FAM83A: variants seen among roughly 807,000 people sequenced by gnomAD.
FAM83A encodes the protein protein FAM83A.
A neutral mutation model predicts 24.4 loss-of-function variants in FAM83A; 21 were observed. The ratio of observed to expected loss-of-function variants is 0.86; its 90% CI spans 0.61 to 1.24. The LOEUF is 1.24. FAM83A is among the 50% of genes most tolerant of loss of function. The pLI is 0.00. For missense variants in FAM83A, 617 were observed against 579.8 expected (o/e 1.06, Z -0.66); for synonymous variants, 270 against 252.4 (o/e 1.07, Z -0.66).
At chr8:123,205,459 G>T (rs1193264383) in intron 3 of FAM83A, among the ~76,000 whole-genome samples, 1 of 152,198 alleles carries the variant, frequency 6.6e-6, no homozygotes, top group Non-Finnish European at 1.5e-5. Context: ...GGTGGTTCCC[G>T]GCGGGAGGTG....
chr8:123,199,131 T>A (rs1275537365), intron 3 of FAM83A, among the ~76,000 whole-genome samples: 1 of 152,146 alleles, frequency 6.6e-6, no homozygotes, highest in Non-Finnish European at 1.5e-5. Flanking sequence ...CGCACTCCAT[T>A]TGTATTAGAA....
intron 3 of FAM83A, among the ~76,000 whole-genome samples, chr8:123,194,969 T>C (rs1428687423): frequency 6.6e-6 from 1 of 152,116 alleles, no homozygotes; most frequent in African/African-American, 2.4e-5. Flanking sequence ...CTTGCCTGAG[T>C]CTGCCTTTGA....
At chr8:123,187,050 G>A (rs945157593) in intron 1 of FAM83A, among the ~76,000 whole-genome samples, 2 of 152,154 alleles carry the variant, frequency 1.3e-5, no homozygotes, top group African/African-American at 4.8e-5. Context: ...CGGAAGAGGT[G>A]GTCTCGGAGT....
chr8:123,179,377 G>T (rs1172523076), upstream of FAM83A: 1 of 152,180 alleles, frequency 6.6e-6, no homozygotes, highest in Non-Finnish European at 1.5e-5. Flanking sequence ...AGTATGGGAT[G>T]CACAGTGCAG....
At chr8:123,187,823 G>T (rs982968465) in intron 1 of FAM83A, among the ~76,000 whole-genome samples, 1 of 151,968 alleles carries the variant, frequency 6.6e-6, no homozygotes, top group Non-Finnish European at 1.5e-5. Context: ...GAAACTAGGG[G>T]CTGGAATTAT....
chr8:123,182,090 G>A (rs1414555881), upstream of FAM83A: 10 of 456,192 alleles, frequency 2.2e-5, 1 homozygote, highest in African/African-American at 4.0e-5. Context: ...TCTCCAGACA[G>A]TGTTCCAAGA....
At chr8:123,183,820 T>A (rs1823705579) in intron 1 of FAM83A, among the ~76,000 whole-genome samples, 1 of 151,906 alleles carries the variant, frequency 6.6e-6, no homozygotes, top group Non-Finnish European at 1.5e-5. Context: ...TTCAGCCTCT[T>A]GAGTAGCTGG....
At chr8:123,203,772 C>T (rs1824446495) in intron 3 of FAM83A, among the ~76,000 whole-genome samples, 1 of 151,294 alleles carries the variant, frequency 6.6e-6, no homozygotes, top group African/African-American at 2.4e-5. Flanking sequence ...CATAAGCAGG[C>T]GTTTCACCAA....
Position 123,183,217 on chromosome 8 carries a change from TG to T in FAM83A, c.364del (p.Ala122ProfsTer8), listed in dbSNP as rs1211372912. ...CAGCGAGCCGGCCCTACTGCACAGC[TG>T]GGCCTCAGCTGAGAAGCCCTACCTG... On this transcript the variant is annotated frameshift_variant, in exon 1 of 4. Coordinates refer to ENST00000690554, the Ensembl canonical transcript of FAM83A. LOFTEE classifies it high-confidence loss of function. The T allele has an allele frequency of 6.2e-7, 1 of 1,613,496 alleles. No individual in the cohort carries two copies. The highest frequency in any genetic ancestry group is 2.2e-5 in the East Asian group (1 of 44,882).
chr8:123,208,215 A>T (rs1407266442), exon 4 of FAM83A: 6 of 986,258 alleles, frequency 6.1e-6, no homozygotes, highest in Middle Eastern at 5.2e-4. Context: ...TCCTCTTAGG[A>T]AAGGCTAATA....
At chr8:123,180,952 T>C (rs1823583497), upstream of FAM83A, among the ~76,000 whole-genome samples, 2 of 152,140 alleles carry the variant, frequency 1.3e-5, no homozygotes, top group Middle Eastern at 3.4e-3. Flanking sequence ...ATTTTATTAT[T>C]TTATTTTTTG....
In FAM83A at chr8:123,209,509, C is replaced by A. The variant is rs966652865; in HGVS notation, c.*1821C>A. 25 of 1,614,202 alleles carry A rather than the reference C, an allele frequency of 1.5e-5. No homozygotes were observed. The highest frequency in any genetic ancestry group is 2.0e-5 in the Non-Finnish European group (24 of 1,180,044). On this transcript the variant is annotated 3_prime_UTR_variant, in exon 4 of 4. Transcript: ENST00000690554. This position sits in a 1 kb window ranked among gnomAD's most constrained non-coding sequence, Gnocchi z 4.7. ...GATGGCTTTCTGAACCCAGCCCTGA[C>A]CTTGTTGTTTCACAGCTGACGGCTG...
intron 3 of FAM83A, among the ~76,000 whole-genome samples, chr8:123,198,127 C>T (rs569635449): frequency 6.6e-6 from 1 of 151,780 alleles, no homozygotes; most frequent in African/African-American, 2.4e-5. Flanking sequence ...TGAGACTCTC[C>T]CTTAAAATAA....
intron 1 of FAM83A, among the ~76,000 whole-genome samples, chr8:123,188,917 C>A (rs1031524208): frequency 2.6e-5 from 4 of 152,222 alleles, no homozygotes; most frequent in Non-Finnish European, 5.9e-5. Context: ...TATTTCCAAG[C>A]ATCCTTTAAT....
At chr8:123,208,419 T>A in exon 4 of FAM83A, 1 of 985,398 alleles carries the variant, frequency 1.0e-6, no homozygotes, top group Non-Finnish European at 1.2e-6. Flanking sequence ...GGCCTGGAGG[T>A]CCCTGGAGTC....
exon 4 of FAM83A, chr8:123,207,730 C>G: frequency 7.0e-7 from 1 of 1,426,078 alleles, no homozygotes; most frequent in African/African-American, 1.5e-5. Context: ...CAGGGCTGGG[C>G]ACTCCCTGAG....
Position 123,209,377 on chromosome 8 carries a change from T to G in FAM83A, c.*1689T>G, listed in dbSNP as rs1824661653. 1 of 1,490,160 alleles carries G rather than the reference T, an allele frequency of 6.7e-7. No individual in the cohort carries two copies. Among genetic ancestry groups the G allele is most frequent in the African/African-American group, 1.4e-5 (1 of 70,342 alleles). 92.3% of individuals were successfully genotyped at this position (1,490,160 alleles called of 1,614,324 possible). Reference sequence around the variant, plus strand: ...GGCTTCTGGTTTCTTTTATTATTATTATTATTATTAATTATTGTATTCCTG... The same window carrying G: ...GGCTTCTGGTTTCTTTTATTATTATGATTATTATTAATTATTGTATTCCTG... On this transcript the variant is annotated 3_prime_UTR_variant, in exon 4 of 4. Transcript: ENST00000690554. This position sits in a 1 kb window ranked among gnomAD's most constrained non-coding sequence, Gnocchi z 4.7.
At position 123,209,891 on chromosome 8, in the gene FAM83A, C is replaced by A; in HGVS notation, c.*2203C>A. ...GCGAGTGGAGCATGAGCAGAACCGCCGAGGGTCACTTCTGGGCAGAAGCTT... is the reference window on the plus strand; with the variant it reads ...GCGAGTGGAGCATGAGCAGAACCGCAGAGGGTCACTTCTGGGCAGAAGCTT... On this transcript the variant is annotated 3_prime_UTR_variant, in exon 4 of 4. Coordinates refer to ENST00000690554, the Ensembl canonical transcript of FAM83A. This position sits in a 1 kb window ranked among gnomAD's most constrained non-coding sequence, Gnocchi z 4.7. 1 of 261,550 alleles carries A rather than the reference C, an allele frequency of 3.8e-6. No individual in the cohort carries two copies. The allele number at this position is 261,550 out of a possible 1,614,324, so 16.2% of individuals were successfully genotyped here.
At chr8:123,179,261 T>C (rs1823538043), upstream of FAM83A, 1 of 152,174 alleles carries the variant, frequency 6.6e-6, no homozygotes. Flanking sequence ...AATTAGGCCA[T>C]GAGTATTCTG....
Sources: allele counts gnomAD v4.1 joint callset (sites outside exome capture counted in the v4.1 genomes callset), GRCh38; gene constraint gnomAD v4.1.1; non-coding constraint Gnocchi (gnomAD v3.1); transcripts MANE v1.5; gene names NCBI Gene and HGNC (gene_info 2026-07-23, HGNC 2026-07-21).